ANO6: variants seen among roughly 807,000 people sequenced by gnomAD.
ANO6 encodes anoctamin-6.
In ANO6, 106 loss-of-function variants were observed where a neutral mutation model predicts 117.5. The observed-to-expected ratio is 0.90, with a 90% CI of 0.77 to 1.06. ANO6 has a LOEUF of 1.06. ANO6 is among the 50% of genes least tolerant of loss of function. The pLI is 0.00. For missense variants in ANO6, 955 were observed against 1,121.1 expected (o/e 0.85, Z 2.12); for synonymous variants, 367 against 385.1 (o/e 0.95, Z 0.55).
intron 2 of ANO6, among the ~76,000 whole-genome samples, chr12:45,328,766 C>T (rs1940562031): frequency 6.6e-6 from 1 of 152,026 alleles, no homozygotes; most frequent in African/African-American, 2.4e-5. Context: ...GTTTTTTTCC[C>T]TTTGTGTTCT....
Position 45,280,879 on chromosome 12 carries a change from T to TAGAGAG in ANO6, c.71-21123_71-21118dup, listed in dbSNP as rs1555164646. Among the ~76,000 whole-genome samples, 75 of 149,956 alleles carry TAGAGAG rather than the reference T, an allele frequency of 5.0e-4. 3 individuals are homozygous for TAGAGAG. In the South Asian group the frequency reaches 0.015, roughly 29 times the overall value. ...TCATATATGTGTTTTTATATATATATAGAGAGAGAGAGAGAGAATATATGT... is the reference window on the plus strand; with the variant it reads ...TCATATATGTGTTTTTATATATATATAGAGAGAGAGAGAGAGAGAGAGAATATATGT... On this transcript the variant is annotated intron_variant, in intron 1 of 19. Coordinates refer to ENST00000320560, the MANE Select transcript of ANO6 (RefSeq NM_001025356.3).
rs748819852 is a variant in ANO6, at chr12:45,347,071, T to A, written c.329T>A (p.Leu110Ter). ...ESNLICHGLQ[L>*]EATRSVLDDK... ...AACCTTATCTGTCATGGCCTGCAGT[T>A]AGAAGCAACAAGATCAGTAAGTACT... Residue 110 changes from leucine (L) to a stop codon, truncating the protein, a stop_gained, in exon 4 of 20, where the codon TTA becomes TAA. Transcript: ENST00000320560. LOFTEE classifies it high-confidence loss of function. The A allele has an allele frequency of 9.9e-6, 16 of 1,614,080 alleles. No homozygotes were observed. The highest frequency in any genetic ancestry group is 1.4e-5 in the Non-Finnish European group (16 of 1,179,964).
rs575731975 is a variant in ANO6 at position 45,229,299 on chromosome 12, C to T, written c.70+12908C>T. On this transcript the variant is annotated intron_variant, in intron 1 of 19. Transcript: ENST00000320560. ...ATGTTGAGGAAGAAATGGGCTTCCA[C>T]GCTGGCCTGTGATCCTTTTAATGTT... Among the ~76,000 whole-genome samples the T allele has an allele frequency of 3.3e-5, 5 of 151,964 alleles. No homozygotes were observed. In the South Asian group the frequency reaches 6.3e-4, roughly 19 times the overall value.
intron 2 of ANO6, among the ~76,000 whole-genome samples, chr12:45,305,735 C>T (rs1013619137): frequency 1.3e-5 from 2 of 152,062 alleles, no homozygotes; most frequent in East Asian, 1.9e-4. Flanking sequence ...GATGGGGAGG[C>T]GTCCACATGG....
intron 2 of ANO6, among the ~76,000 whole-genome samples, chr12:45,323,918 T>TTTG (rs368983915): frequency 4.0e-5 from 6 of 149,790 alleles, no homozygotes; most frequent in Non-Finnish European, 7.4e-5. Flanking sequence ...ACTGTTTTTT[T>TTTG]TTGTTGTTGT....
chr12:45,265,665 T>A (rs189815688), intron 1 of ANO6, among the ~76,000 whole-genome samples: 1 of 152,292 alleles, frequency 6.6e-6, no homozygotes, highest in East Asian at 1.9e-4. Flanking sequence ...CTCTACCACC[T>A]CCAGTCCATT....
intron 10 of ANO6, among the ~76,000 whole-genome samples, chr12:45,379,357 G>T (rs61276164): frequency 0.02 from 3,045 of 152,276 alleles, 43 homozygotes; most frequent in East Asian, 0.038. Context: ...CAGATAAAGT[G>T]CACTGTAAGG....
At chr12:45,432,505 A>AAATT (rs1401838686), downstream of ANO6, among the ~76,000 whole-genome samples, 1 of 152,192 alleles carries the variant, frequency 6.6e-6, no homozygotes, top group Non-Finnish European at 1.5e-5. Flanking sequence ...GGATTTTTAA[A>AAATT]AATTATATTC....
rs569982506 is a variant in ANO6 at position 45,337,783 on chromosome 12, AGT to A, written c.279+6363_279+6364del. 2.6e-3 allele frequency among the ~76,000 whole-genome samples: 390 copies of A among 152,202 alleles called. 2 individuals are homozygous for A. Among genetic ancestry groups the A allele is most frequent in the Non-Finnish European group, 4.2e-3 (286 of 67,982 alleles). On this transcript the variant is annotated intron_variant, in intron 3 of 19. Coordinates refer to ENST00000320560, the MANE Select transcript of ANO6 (RefSeq NM_001025356.3). The stretch of plus-strand genomic sequence containing the variant: ...GAAAACTGCTAAGGAGTAGATTTTA[AGT>A]GTTTTTACCACAAAAGTTTGTGACG...
Position 45,292,885 on chromosome 12 carries a change from G to A in ANO6, c.71-9129G>A, listed in dbSNP as rs540369054. On this transcript the variant is annotated intron_variant, in intron 1 of 19. Transcript: ENST00000320560. Reference sequence around the variant, plus strand: ...GGGTAAGAAGCGTCAAGGACTCACCGAATTGTCCATTCCCCCTTTTGTTCT... The same window carrying A: ...GGGTAAGAAGCGTCAAGGACTCACCAAATTGTCCATTCCCCCTTTTGTTCT... The A allele has an allele frequency of 4.2e-4, 645 of 1,550,742 alleles. 1 individual carries two copies. Among genetic ancestry groups the A allele is most frequent in the South Asian group, 3.0e-3 (251 of 83,916 alleles).
In ANO6 at chr12:45,331,419, AAAGGGT is replaced by A. The variant is rs1460557855; in HGVS notation, c.279_279+5del. On this transcript the variant is annotated splice_donor_variant and coding_sequence_variant, in exon 3 of 20. Coordinates refer to ENST00000320560, the MANE Select transcript of ANO6 (RefSeq NM_001025356.3). LOFTEE classifies it high-confidence loss of function. The stretch of plus-strand genomic sequence containing the variant: ...AATAAAAAGGGTACAAATGAAAAAC[AAAGGGT>A]AAGTTTTTATGCTATTTTCCTTTCT... The A allele has an allele frequency of 6.2e-7, 1 of 1,603,546 alleles. No homozygotes were observed. The highest frequency in any genetic ancestry group is 2.2e-5 in the East Asian group (1 of 44,578).
At chr12:45,235,952 G>A (rs1234720462) in intron 1 of ANO6, among the ~76,000 whole-genome samples, 1 of 152,176 alleles carries the variant, frequency 6.6e-6, no homozygotes, top group Non-Finnish European at 1.5e-5. Context: ...AGCCTCCAGT[G>A]CCCCTTCCGG....
At chr12:45,354,338 A>G (rs1455710815) in intron 7 of ANO6, among the ~76,000 whole-genome samples, 1 of 152,244 alleles carries the variant, frequency 6.6e-6, no homozygotes, top group Admixed American at 6.5e-5. Context: ...CACATGTCTA[A>G]GGAAAGTTTG....
At chr12:45,323,105 A>C (rs1330567166) in intron 2 of ANO6, among the ~76,000 whole-genome samples, 1 of 152,184 alleles carries the variant, frequency 6.6e-6, no homozygotes, top group African/African-American at 2.4e-5. Context: ...TCTTGACACC[A>C]GATGTCTTAC....
At chr12:45,229,546 C>T (rs1291204229) in intron 1 of ANO6, among the ~76,000 whole-genome samples, 2 of 151,620 alleles carry the variant, frequency 1.3e-5, no homozygotes, top group Non-Finnish European at 3.0e-5. Context: ...CCTGCCATCA[C>T]GCCCAGCTAA....
At chr12:45,401,553 C>A (rs1284541397) in intron 12 of ANO6, among the ~76,000 whole-genome samples, 2 of 152,144 alleles carry the variant, frequency 1.3e-5, no homozygotes, top group African/African-American at 2.4e-5. Flanking sequence ...CCCACCACCC[C>A]CTGCACCCAG....
chr12:45,343,292 T>C (rs573092570), intron 3 of ANO6, among the ~76,000 whole-genome samples: 1 of 152,320 alleles, frequency 6.6e-6, no homozygotes, highest in African/African-American at 2.4e-5. Flanking sequence ...CTGATTCTCC[T>C]ACTCTTCTAA....
At chr12:45,237,038 T>G (rs187060197) in intron 1 of ANO6, among the ~76,000 whole-genome samples, 27 of 152,368 alleles carry the variant, frequency 1.8e-4, no homozygotes, top group Admixed American at 1.8e-3. Flanking sequence ...TTTTGAGAAG[T>G]GTCTGTTCAT....
exon 20 of ANO6, chr12:45,440,242 C>G (rs952985680): frequency 4.7e-5 from 9 of 193,072 alleles, no homozygotes; most frequent in African/African-American, 1.9e-4. Context: ...ATTTCTTTTT[C>G]TTTTTTCTTT....
Sources: allele counts gnomAD v4.1 joint callset (sites outside exome capture counted in the v4.1 genomes callset), GRCh38; gene constraint gnomAD v4.1.1; transcripts MANE v1.5; gene names NCBI Gene and HGNC (gene_info 2026-07-23, HGNC 2026-07-21).